OR7A5: variants seen among roughly 807,000 people sequenced by gnomAD.
OR7A5 encodes the protein olfactory receptor family 7 subfamily A member 5.
For synonymous variants in OR7A5, 140 were observed against 146.7 expected, an observed-to-expected ratio of 0.95 and a Z score of 0.33; for missense variants, 319 against 377.9, an observed-to-expected ratio of 0.84 and a Z score of 1.29.
intron 1 of OR7A5, among the ~76,000 whole-genome samples, chr19:14,828,816 G>A (rs2044802656): frequency 6.9e-6 from 1 of 145,626 alleles, no homozygotes; most frequent in Non-Finnish European, 1.5e-5. Flanking sequence ...TGAATTTGAG[G>A]AATATAAATT....
chr19:14,829,247 G>A (rs540754284), intron 1 of OR7A5, among the ~76,000 whole-genome samples: 11 of 152,256 alleles, frequency 7.2e-5, no homozygotes, highest in Admixed American at 3.9e-4. Flanking sequence ...CTCTGTTGCC[G>A]GGCTGGAGCG....
At position 14,827,132 on chromosome 19, in the gene OR7A5, G is replaced by T; in HGVS notation, c.*150C>A. ...TCAGAGAGCAGAAAGCTTAATAAAA[G>T]GAGTTGCTTAAATTCTACAAGACCA... On this transcript the variant is annotated 3_prime_UTR_variant, in exon 2 of 2. Transcript: ENST00000322301. The T allele has an allele frequency of 1.4e-6, 1 of 692,744 alleles. No individual in the cohort carries two copies. The highest frequency in any genetic ancestry group is 2.1e-6 in the Non-Finnish European group (1 of 466,772). 42.9% of individuals were successfully genotyped at this position (692,744 alleles called of 1,614,324 possible). A position where few individuals can be genotyped will look rare whatever the true frequency, so the allele number is the denominator to read the frequency against.
At chr19:14,832,351 A>T (rs1242948695) in intron 1 of OR7A5, among the ~76,000 whole-genome samples, 1 of 151,698 alleles carries the variant, frequency 6.6e-6, no homozygotes, top group African/African-American at 2.4e-5. Flanking sequence ...GTTACCATGG[A>T]TGTTCACTTA....
chr19:14,827,172 A>G lies in OR7A5; in HGVS notation c.*110T>C. On this transcript the variant is annotated 3_prime_UTR_variant, in exon 2 of 2. Coordinates refer to ENST00000322301, the MANE Select transcript of OR7A5 (RefSeq NM_017506.2). The stretch of plus-strand genomic sequence containing the variant: ...CTACAAGACCAGTTGAAATCACAAC[A>G]AATTGAAACTCCCAGAAATATAATA... 8.6e-7 allele frequency: 1 copy of G among 1,169,180 alleles called. No homozygotes were observed. The highest frequency in any genetic ancestry group is 1.6e-5 in the African/African-American group (1 of 63,754). The allele number at this position is 1,169,180 out of a possible 1,614,324, so 72.4% of individuals were successfully genotyped here.
rs1308211063 is a variant in OR7A5, at chr19:14,828,170, T to C, written c.72A>G (p.Gln24=). The C allele has an allele frequency of 2.5e-6, 4 of 1,613,796 alleles. No individual in the cohort carries two copies. The highest frequency in any genetic ancestry group is 3.4e-6 in the Non-Finnish European group (4 of 1,179,972). ...ACAGGAACAGCCCAAAGAGGAAGGG[T>C]TGCAGTCCAGGTTCTTGTGAAAATC... ...LLGFSQEPGL[Q]PFLFGLFLSM... The change falls in exon 2 of 2, where the codon CAA becomes CAG. Residue 24 remains glutamine, a synonymous_variant. Coordinates refer to ENST00000322301, the MANE Select transcript of OR7A5 (RefSeq NM_017506.2).
chr19:14,829,589 T>C (rs2044811221), intron 1 of OR7A5, among the ~76,000 whole-genome samples: 1 of 152,138 alleles, frequency 6.6e-6, no homozygotes, highest in African/African-American at 2.4e-5. Context: ...TGGGACATGG[T>C]GTCAGAGGAT....
rs760046522 is a variant in OR7A5, at chr19:14,828,024, A to C, written c.218T>G (p.Val73Gly). 8 of 1,614,058 alleles carry C rather than the reference A, an allele frequency of 5.0e-6. No individual in the cohort carries two copies. The African/African-American group carries it at 6.7e-5, about 13-fold the overall frequency. Residue 73 changes from valine (V) to glycine (G), a missense_variant, in exon 2 of 2, where the codon GTT (valine) becomes GGT (glycine). By Grantham distance (109) the Val-to-Gly change is moderately radical (BLOSUM62 -3). Coordinates refer to ENST00000322301, the MANE Select transcript of OR7A5 (RefSeq NM_017506.2). Reference protein sequence around the residue: ...LSNLSFADICVTSTTIPKMLM... With the variant: ...LSNLSFADICGTSTTIPKMLM... The stretch of plus-strand genomic sequence containing the variant: ...CATTTTTGGAATGGTGGTGGAAGTA[A>C]CACAAATGTCAGCAAAGGACAGGTT...
Position 14,827,194 on chromosome 19 carries a change from A to AT in OR7A5, c.*87_*88insA. 1.6e-6 allele frequency: 2 copies of AT among 1,284,418 alleles called. No homozygotes were observed. The highest frequency in any genetic ancestry group is 2.1e-6 in the Non-Finnish European group (2 of 972,756). The allele number at this position is 1,284,418 out of a possible 1,614,324, so 79.6% of individuals were successfully genotyped here. On this transcript the variant is annotated 3_prime_UTR_variant, in exon 2 of 2. Coordinates refer to ENST00000322301, the MANE Select transcript of OR7A5 (RefSeq NM_017506.2). ...AACAAATTGAAACTCCCAGAAATAT[A>AT]ATAAGTATTAATAGAAGGAGCAAGT...
chr19:14,829,068 A>T (rs1186956109), intron 1 of OR7A5, among the ~76,000 whole-genome samples: 1 of 152,192 alleles, frequency 6.6e-6, no homozygotes, highest in East Asian at 1.9e-4. Context: ...TTTGCTGATT[A>T]TTATTCAAGA....
rs960858221 is a variant in OR7A5, at chr19:14,826,709, A to T, written c.*573T>A. 1.1e-4 allele frequency: 16 copies of T among 152,220 alleles called. No homozygotes were observed. Among genetic ancestry groups the T allele is most frequent in the African/African-American group, 3.1e-4 (13 of 41,454 alleles). The allele number at this position is 152,220 out of a possible 1,614,324, so 9.4% of individuals were successfully genotyped here. On this transcript the variant is annotated 3_prime_UTR_variant, in exon 2 of 2. Transcript: ENST00000322301. ...GCATTGCACTCGGAACATATTTTTG[A>T]TAAACAATTTTTGCCTTACCGTACT...
rs201409229 is a variant in OR7A5 at position 14,827,645 on chromosome 19, T to C, written c.597A>G (p.Ile199Met). The C allele has an allele frequency of 4.0e-5, 65 of 1,614,218 alleles. No homozygotes were observed. In the East Asian group the frequency reaches 1.3e-3, roughly 33 times the overall value. ...CSDSFLNHMV[I>M]YFTVALLGGG... ...CACCCAGCAGCGCAACTGTAAAATA[T>C]ATCACCATGTGATTAAGAAAGCTAT... The change falls in exon 2 of 2, where the codon ATA becomes ATG. Residue 199 changes from isoleucine to methionine, a missense_variant. Physicochemically the swap from Ile to Met is conservative, Grantham distance 10 (BLOSUM62 1). Transcript: ENST00000322301.
In OR7A5 at chr19:14,830,572, G is replaced by T. The variant is rs138678219; in HGVS notation, c.-13-2318C>A. On this transcript the variant is annotated intron_variant, in intron 1 of 1. Transcript: ENST00000322301. ...TCGATGCCTGGCAAAATAAATAAAA[G>T]ATCAAAAATAAAGAATTCTGACATC... Among the ~76,000 whole-genome samples the T allele has an allele frequency of 4.9e-3, 740 of 152,192 alleles. 2 individuals are homozygous for T. The highest frequency in any genetic ancestry group is 7.4e-3 in the Non-Finnish European group (500 of 67,994).
rs192650587 is a variant in OR7A5 at position 14,828,480 on chromosome 19, G to T, written c.-13-226C>A. Among the ~76,000 whole-genome samples the T allele has an allele frequency of 9.0e-4, 137 of 152,116 alleles. 1 individual carries two copies. The highest frequency in any genetic ancestry group is 1.7e-3 in the Non-Finnish European group (118 of 67,984). ...TCTGCAGTTAGAATAAGAACTTCTG[G>T]CTGGGCACGGTGGCTTATGCCTGTA... On this transcript the variant is annotated intron_variant, in intron 1 of 1. Transcript: ENST00000322301.
At chr19:14,834,054 G>A (rs976747804) in intron 1 of OR7A5, among the ~76,000 whole-genome samples, 18 of 127,958 alleles carry the variant, frequency 1.4e-4, no homozygotes, top group African/African-American at 4.9e-4. Flanking sequence ...GAGCCCAGGA[G>A]TTCGAGACCA....
At chr19:14,828,631 C>T (rs999210061) in intron 1 of OR7A5, among the ~76,000 whole-genome samples, 5 of 151,762 alleles carry the variant, frequency 3.3e-5, no homozygotes, top group Middle Eastern at 3.4e-3. Context: ...TAGTGGCATG[C>T]GCCTGTAGTC....
intron 1 of OR7A5, among the ~76,000 whole-genome samples, chr19:14,830,316 G>A (rs563639701): frequency 1.3e-5 from 2 of 152,292 alleles, no homozygotes; most frequent in Non-Finnish European, 2.9e-5. Flanking sequence ...ACATAAAAGA[G>A]CTGTTCAATA....
intron 1 of OR7A5, among the ~76,000 whole-genome samples, chr19:14,829,805 G>T (rs1420375250): frequency 6.6e-6 from 1 of 152,130 alleles, no homozygotes; most frequent in Non-Finnish European, 1.5e-5. Flanking sequence ...TTGAGGCCAG[G>T]TCCCTCTTGC....
chr19:14,827,741 G>A lies in OR7A5; in HGVS notation c.501C>T (p.Ser167=). The A allele has an allele frequency of 6.2e-7, 1 of 1,614,138 alleles. No homozygotes were observed. Among genetic ancestry groups the A allele is most frequent in the Non-Finnish European group, 8.5e-7 (1 of 1,180,026 alleles). Residue 167 remains serine, a synonymous_variant, in exon 2 of 2, where the codon TCC becomes TCT. Coordinates refer to ENST00000322301, the MANE Select transcript of OR7A5 (RefSeq NM_017506.2). ...GGGGGATTTCTAAGGCTGTGCAGAAGGACAGCCGTACTACCATTAAGATTT... is the reference window on the plus strand; with the variant it reads ...GGGGGATTTCTAAGGCTGTGCAGAAAGACAGCCGTACTACCATTAAGATTT... ...LLQILMVVRL[S]FCTALEIPHF... is the part of the protein sequence containing the mutation.
chr19:14,828,317 A>G, intron 1 of OR7A5, 63 bp from the exon 2 acceptor site: 1 of 1,427,986 alleles, frequency 7.0e-7, no homozygotes, highest in South Asian at 1.4e-5. Context: ...CCTTTCAGAA[A>G]TACCATCATT....
Sources: allele counts gnomAD v4.1 joint callset (sites outside exome capture counted in the v4.1 genomes callset), GRCh38; gene constraint gnomAD v4.1.1; transcripts MANE v1.5; gene names NCBI Gene and HGNC (gene_info 2026-07-23, HGNC 2026-07-21).